MRAP2: variants seen among roughly 807,000 people sequenced by gnomAD.
MRAP2 encodes melanocortin 2 receptor accessory protein 2.
In MRAP2, 20 loss-of-function variants were observed where a neutral mutation model predicts 17.4. The ratio of observed to expected loss-of-function variants is 1.15; its 90% CI spans 0.81 to 1.67. MRAP2 has a LOEUF of 1.67. MRAP2 is among the 40% of genes most tolerant of loss of function. The pLI is 0.00. For missense variants in MRAP2, 238 were observed against 240.0 expected (o/e 0.99, Z 0.05); for synonymous variants, 96 against 88.4 (o/e 1.09, Z -0.48).
intron 1 of MRAP2, among the ~76,000 whole-genome samples, chr6:84,043,058 C>T (rs1333541874): frequency 6.6e-6 from 1 of 152,192 alleles, no homozygotes; most frequent in Non-Finnish European, 1.5e-5. Flanking sequence ...TCTTGTTTGG[C>T]AAGTCATCCT....
intron 2 of MRAP2, chr6:84,062,571 T>G (rs928212306): frequency 2.0e-6 from 2 of 985,310 alleles, no homozygotes; most frequent in Admixed American, 6.1e-5. Flanking sequence ...AATTTTATTT[T>G]CTAACTCAAA....
intron 3 of MRAP2, among the ~76,000 whole-genome samples, chr6:84,066,702 A>G (rs943763577): frequency 1.3e-5 from 2 of 152,178 alleles, no homozygotes; most frequent in Non-Finnish European, 2.9e-5. Flanking sequence ...TACAGATAAG[A>G]AACATGAGGC....
intron 3 of MRAP2, among the ~76,000 whole-genome samples, chr6:84,087,630 A>G (rs2497134): frequency 0.096 from 14,577 of 152,094 alleles, 1,045 homozygotes; most frequent in African/African-American, 0.2. Context: ...AAAGAAGACC[A>G]TGTAAATTTG....
At chr6:84,035,449 A>G in intron 1 of MRAP2, 1 of 982,494 alleles carries the variant, frequency 1.0e-6, no homozygotes. Flanking sequence ...GGTATGCTGT[A>G]TCCATTGTCT....
intron 1 of MRAP2, among the ~76,000 whole-genome samples, chr6:84,050,382 T>C (rs1156816830): frequency 6.6e-6 from 1 of 152,166 alleles, no homozygotes; most frequent in South Asian, 2.1e-4. Context: ...CTGGGAGGCA[T>C]TGCCTTATAG....
At chr6:84,042,105 C>T (rs920158644) in intron 1 of MRAP2, among the ~76,000 whole-genome samples, 2 of 152,152 alleles carry the variant, frequency 1.3e-5, no homozygotes, top group Non-Finnish European at 2.9e-5. Context: ...CCATGCTGTT[C>T]TCCTGATAGT....
chr6:84,104,983 G>A, the MRAP2 span, among the ~76,000 whole-genome samples: 1 of 152,184 alleles, frequency 6.6e-6, no homozygotes, highest in African/African-American at 2.4e-5. Flanking sequence ...TAAAACATAA[G>A]AGTCACCTTT....
chr6:84,062,734 C>T (rs2099493499), intron 2 of MRAP2, 159 bp from the exon 3 acceptor site: 1 of 985,436 alleles, frequency 1.0e-6, no homozygotes, highest in South Asian at 4.7e-5. Context: ...CCCTCCTCCT[C>T]ATCCTTTACA....
At chr6:84,128,470 GATTA>G in the MRAP2 span, among the ~76,000 whole-genome samples, 1 of 152,218 alleles carries the variant, frequency 6.6e-6, no homozygotes, top group Admixed American at 6.5e-5. Flanking sequence ...AATTAGTAAT[GATTA>G]ATAAGAGCCT....
At chr6:84,127,119 A>G in the MRAP2 span, among the ~76,000 whole-genome samples, 1 of 152,168 alleles carries the variant, frequency 6.6e-6, no homozygotes, top group African/African-American at 2.4e-5. Context: ...CCATCCTCAC[A>G]GAGTGTAGTG....
chr6:84,108,422 A>C, the MRAP2 span, among the ~76,000 whole-genome samples: 2 of 151,716 alleles, frequency 1.3e-5, no homozygotes, highest in African/African-American at 4.8e-5. Context: ...CATTTCTCTA[A>C]TGATCAGTGA....
chr6:84,115,887 G>C, the MRAP2 span, among the ~76,000 whole-genome samples: 1 of 152,112 alleles, frequency 6.6e-6, no homozygotes, highest in Admixed American at 6.5e-5. Flanking sequence ...CCCTGCTTCA[G>C]CTTGCCCTCC....
chr6:84,068,287 G>A (rs1264335430), intron 3 of MRAP2, among the ~76,000 whole-genome samples: 1 of 152,068 alleles, frequency 6.6e-6, no homozygotes, highest in Non-Finnish European at 1.5e-5. Context: ...TGGTGACTAT[G>A]GCCTTATAGT....
the MRAP2 span, among the ~76,000 whole-genome samples, chr6:84,110,919 G>A: frequency 6.6e-6 from 1 of 152,060 alleles, no homozygotes; most frequent in Non-Finnish European, 1.5e-5. Flanking sequence ...GTAGATGTGT[G>A]GTGTTATTTC....
the MRAP2 span, among the ~76,000 whole-genome samples, chr6:84,119,709 G>A: frequency 6.6e-6 from 1 of 152,156 alleles, no homozygotes; most frequent in African/African-American, 2.4e-5. Flanking sequence ...CCTCTTACAA[G>A]TGGTTGATCA....
chr6:84,064,473 T>C (rs1412305972), intron 3 of MRAP2, among the ~76,000 whole-genome samples: 1 of 137,572 alleles, frequency 7.3e-6, no homozygotes, highest in Non-Finnish European at 1.5e-5. Flanking sequence ...ATCCTGGCAT[T>C]TTGGTTTTGT....
chr6:84,041,548 G>T (rs1442591305), intron 1 of MRAP2, among the ~76,000 whole-genome samples: 1 of 152,252 alleles, frequency 6.6e-6, no homozygotes, highest in Non-Finnish European at 1.5e-5. Flanking sequence ...GCGCCAGGAG[G>T]GGGCTGTACC....
chr6:84,062,642 G>C, intron 2 of MRAP2: 1 of 985,378 alleles, frequency 1.0e-6, no homozygotes, highest in Non-Finnish European at 1.2e-6. Flanking sequence ...TTCCTTCCTT[G>C]AGATATGGAA....
intron 3 of MRAP2, 59 bp downstream of exon 3, chr6:84,063,051 A>C: frequency 6.2e-7 from 1 of 1,611,130 alleles, no homozygotes. Flanking sequence ...AGGAAATAGA[A>C]ACTACTACCC....
Sources: allele counts gnomAD v4.1 joint callset (sites outside exome capture counted in the v4.1 genomes callset), GRCh38; gene constraint gnomAD v4.1.1; transcripts MANE v1.5; gene names NCBI Gene and HGNC (gene_info 2026-07-23, HGNC 2026-07-21).